SGCG: variants seen among roughly 807,000 people sequenced by gnomAD.
SGCG encodes the protein gamma-sarcoglycan.
In SGCG, 26 loss-of-function variants were observed where a neutral mutation model predicts 29.3. That is an observed-to-expected ratio of 0.89 (90% confidence interval 0.65 to 1.23). SGCG has a LOEUF of 1.23. Among genes scored for constraint, SGCG ranks in the 50% most tolerant of loss-of-function variants. The pLI is 0.00. For missense variants in SGCG, 353 were observed against 356.0 expected, an observed-to-expected ratio of 0.99 and a Z score of 0.07; for synonymous variants, 145 against 129.7, an observed-to-expected ratio of 1.12 and a Z score of -0.80.
At chr13:23,163,833 C>A in the SGCG span, among the ~76,000 whole-genome samples, 38,336 of 151,998 alleles carry the variant, frequency 0.25, 5,725 homozygotes, top group Middle Eastern at 0.44. Flanking sequence ...GCCTAACTAG[C>A]AACCAGATAT....
intron 7 of SGCG, among the ~76,000 whole-genome samples, chr13:23,323,629 C>T (rs1298351265): frequency 6.6e-6 from 1 of 152,214 alleles, no homozygotes; most frequent in East Asian, 1.9e-4. Flanking sequence ...TTTGTTTGCA[C>T]TTCAGTTTAA....
At position 23,299,442 on chromosome 13, in the gene SGCG, A is replaced by AT. The variant is rs1566037491; in HGVS notation, c.578+3956dup. 4.7e-3 allele frequency among the ~76,000 whole-genome samples: 25 copies of AT among 5,286 alleles called. 1 individual carries two copies. Among genetic ancestry groups the AT allele is most frequent in the Non-Finnish European group, 6.4e-3 (18 of 2,800 alleles). 3.5% of individuals were successfully genotyped at this position (5,286 alleles called of 152,430 possible). ...TATATATATATATATATATATATAT[A>AT]TATATATATATATATTTTTTTTTTT... On this transcript the variant is annotated intron_variant, in intron 6 of 7. Transcript: ENST00000218867.
At chr13:23,279,605 C>T in intron 5 of SGCG, 127 bp downstream of exon 5, 1 of 771,748 alleles carries the variant, frequency 1.3e-6, no homozygotes, top group Non-Finnish European at 2.0e-6. Flanking sequence ...GTTGCATTTT[C>T]TCCATTGCAT....
At chr13:23,189,176 A>AC (rs751414765) in intron 1 of SGCG, among the ~76,000 whole-genome samples, 23 of 152,084 alleles carry the variant, frequency 1.5e-4, no homozygotes, top group Admixed American at 9.2e-4. Context: ...ATATTTGTTG[A>AC]CCAGGGAAAT....
intron 3 of SGCG, chr13:23,245,222 G>C (rs1260434584): frequency 6.6e-6 from 1 of 152,140 alleles, no homozygotes; most frequent in African/African-American, 2.4e-5. Flanking sequence ...TAAAAGAAAT[G>C]GCTTCTCTGG....
chr13:23,255,211 T>C (rs964038100), intron 4 of SGCG, among the ~76,000 whole-genome samples: 1 of 152,184 alleles, frequency 6.6e-6, no homozygotes, highest in African/African-American at 2.4e-5. Context: ...GAGAAGCCAC[T>C]GGGACTGCAC....
intron 6 of SGCG, 89 bp downstream of exon 6, chr13:23,295,576 G>C (rs1245268157): frequency 1.1e-6 from 1 of 889,710 alleles, no homozygotes; most frequent in Non-Finnish European, 1.9e-6. Flanking sequence ...ACTACTTCCT[G>C]ACTGTTTCTT....
chr13:23,254,913 A>T (rs1825328403), intron 4 of SGCG, among the ~76,000 whole-genome samples: 1 of 152,246 alleles, frequency 6.6e-6, no homozygotes. Context: ...GGCCCGCAGA[A>T]TGCAAGAGGA....
intron 6 of SGCG, 82 bp downstream of exon 6, chr13:23,295,569 A>G: frequency 3.3e-6 from 3 of 914,810 alleles, no homozygotes; most frequent in Non-Finnish European, 5.5e-6. Flanking sequence ...AGCAGTGACT[A>G]CTTCCTGACT....
At position 23,234,693 on chromosome 13, in the gene SGCG, A is replaced by G; in HGVS notation, c.278A>G (p.Lys93Arg). Residue 93 changes from lysine to arginine, a missense_variant, in exon 3 of 8, where the codon AAA becomes AGA. Lys to Arg is a conservative substitution (Grantham distance 26). Transcript: ENST00000218867. The part of the protein sequence containing the change: ...ESEFLFPLYA[K>R]EIHSRVDSSL... Reference sequence around the variant, plus strand: ...GAATTTTTATTCCCATTGTATGCCAAAGAAATACACTCCAGAGTGGTAAGA... The same window carrying G: ...GAATTTTTATTCCCATTGTATGCCAGAGAAATACACTCCAGAGTGGTAAGA... 1 of 1,598,148 alleles carries G rather than the reference A, an allele frequency of 6.3e-7. No homozygotes were observed.
chr13:23,202,475 G>A (rs569597205), intron 1 of SGCG, among the ~76,000 whole-genome samples: 1 of 152,300 alleles, frequency 6.6e-6, no homozygotes, highest in African/African-American at 2.4e-5. Context: ...TGGGGCTTGA[G>A]GGAAGAGAGA....
intron 5 of SGCG, among the ~76,000 whole-genome samples, chr13:23,289,884 C>T (rs1033806334): frequency 2.6e-5 from 4 of 152,070 alleles, no homozygotes; most frequent in African/African-American, 9.7e-5. Flanking sequence ...TAAGATCAAT[C>T]CAACCATTAC....
intron 2 of SGCG, among the ~76,000 whole-genome samples, chr13:23,231,726 G>A (rs1028790480): frequency 6.6e-6 from 1 of 152,122 alleles, no homozygotes; most frequent in Non-Finnish European, 1.5e-5. Context: ...ATAAATGCCT[G>A]GCTGGATCCC....
In SGCG at chr13:23,320,768, C is replaced by A; in HGVS notation, c.702+8C>A. 6.2e-7 allele frequency: 1 copy of A among 1,612,560 alleles called. No homozygotes were observed. Among genetic ancestry groups the A allele is most frequent in the South Asian group, 1.1e-5 (1 of 90,938 alleles). On this transcript the variant is annotated splice_region_variant and intron_variant, in intron 7 of 7. Transcript: ENST00000218867. ...CATAGTAGTGATGGAATGGTGAGTT[C>A]ATTCACAGATCAGCCTCCTACTGTA...
intron 4 of SGCG, among the ~76,000 whole-genome samples, chr13:23,266,761 G>C (rs947571408): frequency 6.6e-6 from 1 of 152,094 alleles, no homozygotes; most frequent in African/African-American, 2.4e-5. Flanking sequence ...TCTTGCTTCT[G>C]TTCTTGCCAT....
intron 2 of SGCG, among the ~76,000 whole-genome samples, chr13:23,225,349 T>A (rs373268563): frequency 6.6e-6 from 1 of 152,362 alleles, no homozygotes; most frequent in South Asian, 2.1e-4. Context: ...TGTAAAATTA[T>A]GAGTTTCCCA....
At chr13:23,203,457 G>A (rs540985642) in intron 1 of SGCG, among the ~76,000 whole-genome samples, 6 of 152,108 alleles carry the variant, frequency 3.9e-5, no homozygotes, top group African/African-American at 7.2e-5. Context: ...GATTTCAAAC[G>A]TTTATCATAT....
intron 4 of SGCG, among the ~76,000 whole-genome samples, chr13:23,272,911 GTC>G (rs1388946205): frequency 6.6e-6 from 1 of 152,100 alleles, no homozygotes; most frequent in Non-Finnish European, 1.5e-5. Flanking sequence ...CTGCATAGTT[GTC>G]TCTCCTTTTT....
chr13:23,253,124 G>A (rs1318958622), intron 4 of SGCG, among the ~76,000 whole-genome samples: 1 of 151,998 alleles, frequency 6.6e-6, no homozygotes, highest in Non-Finnish European at 1.5e-5. Context: ...GCTCACTCCC[G>A]TAATCCCAGC....
Sources: allele counts gnomAD v4.1 joint callset (sites outside exome capture counted in the v4.1 genomes callset), GRCh38; gene constraint gnomAD v4.1.1; transcripts MANE v1.5; gene names NCBI Gene and HGNC (gene_info 2026-07-23, HGNC 2026-07-21).